The following ODAD4 variants were observed in gnomAD, a reference collection of about 807,000 sequenced individuals.
ODAD4 encodes outer dynein arm docking complex subunit 4.
In ODAD4, 49 loss-of-function variants were observed where a neutral mutation model predicts 51.8. That is an observed-to-expected ratio of 0.95 (90% CI 0.75 to 1.20). The LOEUF (loss-of-function observed/expected upper bound fraction) is 1.20. Ranked by LOEUF, ODAD4 falls within the 50% of genes most tolerant of loss-of-function variation. ODAD4 has a pLI of 0.00. For synonymous variants in ODAD4, 235 were observed against 221.3 expected (o/e 1.06, Z -0.55); for missense variants, 590 against 586.5 (o/e 1.01, Z -0.06).
rs1555642438 is a variant in ODAD4 at position 41,965,257 on chromosome 17, G to A, written c.1793G>A (p.Arg598Lys). 1 of 777,960 alleles carries A rather than the reference G, an allele frequency of 1.3e-6. No homozygotes were observed. Among genetic ancestry groups the A allele is most frequent in the Non-Finnish European group, 2.4e-6 (1 of 416,750 alleles). The allele number at this position is 777,960 out of a possible 1,614,324, so 48.2% of individuals were successfully genotyped here. A position where few individuals can be genotyped will look rare whatever the true frequency, so the allele number is the denominator to read the frequency against. ...ELGTRSGETG[R>K]KLLEAGRRES... is the part of the protein sequence containing the mutation. ...GGCACAAGATCAGGAGAAACAGGCA[G>A]GAAGCTACTAGAAGCTGGCAGAAGA... The change falls in exon 12 of 12, where the codon AGG (arginine) becomes AAG (lysine). Residue 598 changes from arginine to lysine, a missense_variant. This residue lies in a region of ODAD4 where 226 missense variants were observed against 162.7 expected (regional missense o/e 1.39). Coordinates refer to ENST00000377540, the MANE Select transcript of ODAD4 (RefSeq NM_031421.5).
At chr17:41,951,752 C>T (rs2050655572) in intron 9 of ODAD4, among the ~76,000 whole-genome samples, 1 of 151,156 alleles carries the variant, frequency 6.6e-6, no homozygotes, top group Non-Finnish European at 1.5e-5. Context: ...GGTGTGGTGG[C>T]ACACGCCTGT....
intron 5 of ODAD4, 123 bp from the exon 6 acceptor site, chr17:41,938,434 T>G: frequency 1.3e-6 from 1 of 771,838 alleles, no homozygotes; most frequent in Admixed American, 2.6e-5. Context: ...CTCCTCTCTG[T>G]TTCAACAACT....
intron 9 of ODAD4, among the ~76,000 whole-genome samples, chr17:41,954,189 G>A (rs1389197723): frequency 6.6e-6 from 1 of 151,402 alleles, no homozygotes; most frequent in Admixed American, 6.6e-5. Context: ...ATGTCACCAT[G>A]TTGGCCAGGG....
intron 7 of ODAD4, among the ~76,000 whole-genome samples, chr17:41,939,863 G>T (rs532183100): frequency 6.6e-6 from 1 of 152,134 alleles, no homozygotes. Context: ...CCGCCCAGCC[G>T]TGGAACCTGA....
At chr17:41,943,493 G>A (rs887536286) in intron 7 of ODAD4, among the ~76,000 whole-genome samples, 7 of 152,206 alleles carry the variant, frequency 4.6e-5, no homozygotes, top group Admixed American at 6.5e-5. Context: ...TTTGGGATAG[G>A]TGTACAAAAT....
At chr17:41,952,734 T>G in intron 9 of ODAD4, 2 of 493,596 alleles carry the variant, frequency 4.1e-6, no homozygotes, top group Non-Finnish European at 8.1e-6. Context: ...AATAGCCTTT[T>G]TTTTCTTCTT....
At chr17:41,956,670 G>C (rs1567938756) in intron 10 of ODAD4, among the ~76,000 whole-genome samples, 1 of 152,000 alleles carries the variant, frequency 6.6e-6, no homozygotes, top group Non-Finnish European at 1.5e-5. Context: ...GACCACTTAA[G>C]CCTGAGAAGT....
rs71357524 is a variant in ODAD4 at position 41,956,047 on chromosome 17, CT to C, written c.1443+749del. On this transcript the variant is annotated intron_variant, in intron 10 of 11. Coordinates refer to ENST00000377540, the MANE Select transcript of ODAD4 (RefSeq NM_031421.5). Reference sequence around the variant, plus strand: ...GATTACACGTGTAAACTGTACTTAGCTTTTTTTTTTTTTTTTTTTGAGACTG... The same window carrying C: ...GATTACACGTGTAAACTGTACTTAGCTTTTTTTTTTTTTTTTTTGAGACTG... 6.0e-3 allele frequency among the ~76,000 whole-genome samples: 755 copies of C among 124,906 alleles called. 3 individuals are homozygous for C. The highest frequency in any genetic ancestry group is 9.3e-3 in the Admixed American group (112 of 12,064). 81.9% of individuals were successfully genotyped at this position (124,906 alleles called of 152,430 possible). A position where few individuals can be genotyped will look rare whatever the true frequency, so the allele number is the denominator to read the frequency against.
chr17:41,945,859 C>A (rs782034121), intron 8 of ODAD4, among the ~76,000 whole-genome samples: 30 of 152,250 alleles, frequency 2.0e-4, no homozygotes, highest in South Asian at 4.1e-4. Context: ...TGAGATCATG[C>A]CGCTGCACTC....
intron 7 of ODAD4, among the ~76,000 whole-genome samples, chr17:41,943,350 G>A (rs2050533248): frequency 6.6e-6 from 1 of 152,110 alleles, no homozygotes. Flanking sequence ...GATGTCACAC[G>A]TGTCCATGTG....
intron 8 of ODAD4, among the ~76,000 whole-genome samples, chr17:41,947,343 G>A (rs1465313142): frequency 6.6e-6 from 1 of 151,542 alleles, no homozygotes; most frequent in Non-Finnish European, 1.5e-5. Context: ...AAGTTAGCCA[G>A]GCATGGTGGC....
At chr17:41,947,607 C>T (rs2050605416) in intron 8 of ODAD4, among the ~76,000 whole-genome samples, 1 of 149,910 alleles carries the variant, frequency 6.7e-6, no homozygotes, top group Non-Finnish European at 1.5e-5. Context: ...ACCAGCCTGG[C>T]CAACGTGGGG....
intron 10 of ODAD4, among the ~76,000 whole-genome samples, chr17:41,957,995 G>A (rs1007121337): frequency 1.3e-5 from 2 of 152,054 alleles, no homozygotes; most frequent in Admixed American, 6.6e-5. Flanking sequence ...CTGGGCACTT[G>A]AGAGCTCCTG....
chr17:41,955,699 C>T (rs1234432368), intron 10 of ODAD4, among the ~76,000 whole-genome samples: 2 of 152,190 alleles, frequency 1.3e-5, no homozygotes, highest in Non-Finnish European at 2.9e-5. Flanking sequence ...GCTGGGATTA[C>T]AGGCGTGAGC....
At position 41,931,482 on chromosome 17, in the gene ODAD4, A is replaced by G. The variant is rs367567601; in HGVS notation, c.114+645A>G. ...AGATTGGATGGGAGGTTGCATGCAG[A>G]AGCCTCAATGTCCCCAGCACACCGT... On this transcript the variant is annotated intron_variant, in intron 1 of 11. Transcript: ENST00000377540. Among the ~76,000 whole-genome samples, 5 of 152,326 alleles carry G rather than the reference A, an allele frequency of 3.3e-5. No homozygotes were observed. The South Asian group carries it at 6.2e-4, about 19-fold the overall frequency.
rs1419212583 is a variant in ODAD4, at chr17:41,930,681, T to C, written c.-43T>C. 1.5e-6 allele frequency: 2 copies of C among 1,324,678 alleles called. No homozygotes were observed. The highest frequency in any genetic ancestry group is 2.9e-5 in the African/African-American group (2 of 68,780). The allele number at this position is 1,324,678 out of a possible 1,614,324, so 82.1% of individuals were successfully genotyped here. On this transcript the variant is annotated 5_prime_UTR_variant, in exon 1 of 12. Transcript: ENST00000377540. ...AAACCAGATAGAGGTTCTCCAGCTT[T>C]TCTTTGATTGTCTCTGCTTTAGCGT...
At chr17:41,947,462 G>A (rs908298461) in intron 8 of ODAD4, among the ~76,000 whole-genome samples, 3 of 150,518 alleles carry the variant, frequency 2.0e-5, no homozygotes, top group Non-Finnish European at 4.4e-5. Context: ...TCCAGCCTGG[G>A]TGACGCAGCA....
chr17:41,946,893 C>G (rs373480823), intron 8 of ODAD4, among the ~76,000 whole-genome samples: 1 of 151,716 alleles, frequency 6.6e-6, no homozygotes, highest in African/African-American at 2.4e-5. Flanking sequence ...CTCTGTCCCC[C>G]ACGCTGGAGT....
At chr17:41,932,800 AG>A (rs2050368770) in intron 1 of ODAD4, among the ~76,000 whole-genome samples, 1 of 149,962 alleles carries the variant, frequency 6.7e-6, no homozygotes, top group African/African-American at 2.5e-5. Flanking sequence ...CTTGAGCTCA[AG>A]TAATACTCCC....
Sources: allele counts gnomAD v4.1 joint callset (sites outside exome capture counted in the v4.1 genomes callset), GRCh38; gene constraint gnomAD v4.1.1; regional missense constraint gnomAD v4.1.1; transcripts MANE v1.5; gene names NCBI Gene and HGNC (gene_info 2026-07-23, HGNC 2026-07-21).